The following JARID2 variants were observed in gnomAD, a reference collection of about 807,000 sequenced individuals.
JARID2 encodes jumonji and AT-rich interaction domain containing 2, also known as protein Jumonji.
JARID2 carries 21 observed loss-of-function variants against 125.6 expected under a neutral mutation model. The ratio of observed to expected loss-of-function variants is 0.17; its 90% CI spans 0.12 to 0.24. The LOEUF is 0.24. Among genes scored for constraint, JARID2 ranks in the 10% least tolerant of loss-of-function variants. The probability of loss-of-function intolerance (pLI) is 1.00; values close to 1 mark genes in which losing one functional copy is unlikely to be tolerated. For missense variants in JARID2, 1,303 were observed against 1,639.6 expected, an observed-to-expected ratio of 0.79 and a Z score of 3.55; for synonymous variants, 736 against 661.6, an observed-to-expected ratio of 1.11 and a Z score of -1.73.
At chr6:15,375,505 G>T (rs1764319104) in intron 2 of JARID2, among the ~76,000 whole-genome samples, 1 of 152,202 alleles carries the variant, frequency 6.6e-6, no homozygotes, top group African/African-American at 2.4e-5. Context: ...AAAATAAGTT[G>T]TGGAATCTAT....
At position 15,261,826 on chromosome 6, in the gene JARID2, C is replaced by T. The variant is rs143753834; in HGVS notation, c.45+15242C>T. ...TGAGATGGAGCCTTGCTCTGTCACC[C>T]AGGCTGTAGTGCAGTGGCGCAATCT... On this transcript the variant is annotated intron_variant, in intron 1 of 17. Transcript: ENST00000341776. Among the ~76,000 whole-genome samples, 312 of 149,608 alleles carry T rather than the reference C, an allele frequency of 2.1e-3. 1 individual carries two copies. Among genetic ancestry groups the T allele is most frequent in the African/African-American group, 7.2e-3 (293 of 40,536 alleles).
At chr6:15,395,106 G>T (rs1015195594) in intron 2 of JARID2, among the ~76,000 whole-genome samples, 1 of 152,102 alleles carries the variant, frequency 6.6e-6, no homozygotes, top group Non-Finnish European at 1.5e-5. Flanking sequence ...TGGTTTGTTA[G>T]TATTAATTTC....
At chr6:15,413,008 GT>G (rs1041543140) in intron 3 of JARID2, among the ~76,000 whole-genome samples, 2 of 47,474 alleles carry the variant, frequency 4.2e-5, no homozygotes, top group Non-Finnish European at 7.3e-5. Flanking sequence ...TTGTGTTTTT[GT>G]TTTTTTTTTT....
intron 8 of JARID2, among the ~76,000 whole-genome samples, chr6:15,502,230 G>C (rs1398266687): frequency 6.6e-6 from 1 of 152,226 alleles, no homozygotes; most frequent in East Asian, 1.9e-4. Context: ...CTCTCCTCTT[G>C]GCAGCTCTCC....
At chr6:15,413,829 C>T (rs564094170) in intron 3 of JARID2, among the ~76,000 whole-genome samples, 5 of 152,104 alleles carry the variant, frequency 3.3e-5, no homozygotes, top group African/African-American at 7.2e-5. Flanking sequence ...ATTCCGTTCA[C>T]GAGGGCAGAT....
At position 15,507,362 on chromosome 6, in the gene JARID2, A is replaced by G; in HGVS notation, c.2677A>G (p.Thr893Ala). ...CCTTTGCAGGCATGGATGGAACCTC[A>G]CCGTCCTCCCCAATAACACAGGGTC... ...EPFSRHGWNL[T>A]VLPNNTGSIL... The change falls in exon 11 of 18, where the codon ACC (threonine) becomes GCC (alanine). Residue 893 changes from threonine (T) to alanine (A), a missense_variant. By Grantham distance (58) the Thr-to-Ala change is moderately conservative (BLOSUM62 0). Around this residue, in one of 11 missense-constraint regions of JARID2, gnomAD observed 27 missense variants for 108.7 expected, o/e 0.25. Transcript: ENST00000341776. 1 of 1,613,932 alleles carries G rather than the reference A, an allele frequency of 6.2e-7. No homozygotes were observed. The highest frequency in any genetic ancestry group is 8.5e-7 in the Non-Finnish European group (1 of 1,179,938).
chr6:15,373,272 A>G (rs1213988804), intron 1 of JARID2, among the ~76,000 whole-genome samples: 1 of 152,192 alleles, frequency 6.6e-6, no homozygotes, highest in Non-Finnish European at 1.5e-5. Flanking sequence ...AAGTCTCTGT[A>G]TAATTTTTTC....
chr6:15,329,160 CA>C (rs1192562452), intron 1 of JARID2, among the ~76,000 whole-genome samples: 1 of 145,794 alleles, frequency 6.9e-6, no homozygotes, highest in Non-Finnish European at 1.5e-5. Context: ...GAGGCAGAAA[CA>C]AATGTCTCTT....
At chr6:15,410,446 G>T (rs146470827) in intron 3 of JARID2, 81 bp downstream of exon 3, 2 of 1,385,886 alleles carry the variant, frequency 1.4e-6, no homozygotes, top group Admixed American at 1.8e-5. Flanking sequence ...ACATGATAAC[G>T]TGAGCCCATT....
chr6:15,290,557 T>G (rs1415504155), intron 1 of JARID2, among the ~76,000 whole-genome samples: 3 of 152,164 alleles, frequency 2.0e-5, no homozygotes, highest in South Asian at 2.1e-4. Context: ...GTACACAGTT[T>G]GTAGGGTTAG....
intron 2 of JARID2, among the ~76,000 whole-genome samples, chr6:15,378,847 A>G (rs1024097648): frequency 2.0e-4 from 31 of 152,244 alleles, no homozygotes; most frequent in African/African-American, 6.5e-4. Flanking sequence ...TAACAGCAGA[A>G]TGGATTTTAC....
intron 1 of JARID2, among the ~76,000 whole-genome samples, chr6:15,261,097 G>A (rs1437433096): frequency 6.6e-6 from 1 of 152,156 alleles, no homozygotes; most frequent in African/African-American, 2.4e-5. Context: ...GACTTGCAAA[G>A]CTTTTACAGC....
At chr6:15,374,281 G>T (rs532503139) in intron 2 of JARID2, 29 bp downstream of exon 2, 1 of 1,610,212 alleles carries the variant, frequency 6.2e-7, no homozygotes, top group East Asian at 2.2e-5. Context: ...TATCTCATTG[G>T]AATGTACAAT....
At chr6:15,295,343 G>T (rs1467157640) in intron 1 of JARID2, among the ~76,000 whole-genome samples, 1 of 152,038 alleles carries the variant, frequency 6.6e-6, no homozygotes, top group Non-Finnish European at 1.5e-5. Context: ...GGATGGTCTT[G>T]ATCTCCTGAC....
intron 2 of JARID2, among the ~76,000 whole-genome samples, chr6:15,409,108 T>A (rs2127566819): frequency 6.6e-6 from 1 of 152,342 alleles, no homozygotes; most frequent in Middle Eastern, 3.4e-3. Context: ...TCATTCAGAA[T>A]GTTTATGTAT....
chr6:15,517,354 G>A, intron 17 of JARID2, 86 bp downstream of exon 17: 1 of 916,160 alleles, frequency 1.1e-6, no homozygotes. Flanking sequence ...CGGCCTGGCA[G>A]TTCTGTGCCT....
chr6:15,284,717 C>T (rs1760927071), intron 1 of JARID2, among the ~76,000 whole-genome samples: 1 of 152,018 alleles, frequency 6.6e-6, no homozygotes, highest in African/African-American at 2.4e-5. Flanking sequence ...GAACTCCTGA[C>T]TTCAGGTGAT....
At chr6:15,483,372 T>G (rs1436922198) in intron 5 of JARID2, among the ~76,000 whole-genome samples, 1 of 138,300 alleles carries the variant, frequency 7.2e-6, no homozygotes, top group Non-Finnish European at 1.5e-5. Flanking sequence ...AAGGTCATTC[T>G]TAAGTGAAAC....
At chr6:15,274,220 G>C (rs1256173472) in intron 1 of JARID2, among the ~76,000 whole-genome samples, 1 of 152,164 alleles carries the variant, frequency 6.6e-6, no homozygotes, top group Non-Finnish European at 1.5e-5. Flanking sequence ...GTGAGCCACT[G>C]TGCCTGGCCT....
Sources: gnomAD v4.1 joint callset for allele counts (sites outside exome capture counted in the v4.1 genomes callset) on GRCh38, gnomAD v4.1.1 for gene constraint, gnomAD v4.1.1 regional missense constraint, MANE v1.5 for transcripts, NCBI Gene and HGNC (gene_info 2026-07-23, HGNC 2026-07-21) for gene names.